Variants in FHIT observed in about 807,000 individuals in gnomAD.
FHIT encodes bis(5'-adenosyl)-triphosphatase.
In FHIT, 19 loss-of-function variants were observed where a neutral mutation model predicts 17.9. The ratio of observed to expected loss-of-function variants is 1.06; its 90% CI spans 0.74 to 1.56. The LOEUF (loss-of-function observed/expected upper bound fraction) is 1.56. FHIT is among the 40% of genes most tolerant of loss of function. FHIT has a pLI of 0.00. For missense variants in FHIT, 248 were observed against 189.2 expected (o/e 1.31, Z -1.82); for synonymous variants, 81 against 69.7 (o/e 1.16, Z -0.81).
intron 2 of FHIT, among the ~76,000 whole-genome samples, chr3:61,075,856 G>C (rs1384818398): frequency 6.6e-6 from 1 of 151,978 alleles, no homozygotes; most frequent in African/African-American, 2.4e-5. Flanking sequence ...AGTCTAACAA[G>C]GAACTAGACA....
chr3:60,357,289 C>T (rs1699711566), intron 5 of FHIT, among the ~76,000 whole-genome samples: 1 of 152,222 alleles, frequency 6.6e-6, no homozygotes, highest in South Asian at 2.1e-4. Flanking sequence ...CTCACTGCAA[C>T]CTCTGCCTTC....
At chr3:59,858,388 G>A (rs1020027180) in intron 8 of FHIT, among the ~76,000 whole-genome samples, 3 of 151,648 alleles carry the variant, frequency 2.0e-5, no homozygotes, top group Non-Finnish European at 4.4e-5. Flanking sequence ...CACTACGCCT[G>A]GCTAATTTTT....
intron 3 of FHIT, among the ~76,000 whole-genome samples, chr3:61,025,215 T>C (rs1235057667): frequency 6.6e-6 from 1 of 152,202 alleles, no homozygotes; most frequent in Non-Finnish European, 1.5e-5. Context: ...CACACAGGAC[T>C]TATATGTTAT....
At chr3:60,498,548 C>A (rs1438186273) in intron 5 of FHIT, among the ~76,000 whole-genome samples, 1 of 152,174 alleles carries the variant, frequency 6.6e-6, no homozygotes, top group East Asian at 1.9e-4. Flanking sequence ...TTTGCTATTT[C>A]ACCTGAATAA....
chr3:60,160,872 A>T (rs1700910742), intron 5 of FHIT, among the ~76,000 whole-genome samples: 1 of 152,010 alleles, frequency 6.6e-6, no homozygotes, highest in African/African-American at 2.4e-5. Context: ...TACAAATTCA[A>T]ATTTCTCCTG....
chr3:60,280,916 T>C (rs1236513964), intron 5 of FHIT, among the ~76,000 whole-genome samples: 2 of 58,482 alleles, frequency 3.4e-5, no homozygotes, highest in East Asian at 5.1e-3. Context: ...TCTCATGATA[T>C]GGCTGACTAT....
At chr3:60,159,736 C>A (rs1035807805) in intron 5 of FHIT, among the ~76,000 whole-genome samples, 1 of 152,130 alleles carries the variant, frequency 6.6e-6, no homozygotes, top group African/African-American at 2.4e-5. Context: ...CAGTTCAAAG[C>A]TGAGGAAACT....
chr3:60,147,817 C>T (rs892380392), intron 5 of FHIT, among the ~76,000 whole-genome samples: 9 of 152,110 alleles, frequency 5.9e-5, no homozygotes, highest in African/African-American at 2.2e-4. Context: ...AGCAACGGTG[C>T]AGTTGTCGAA....
intron 8 of FHIT, among the ~76,000 whole-genome samples, chr3:59,901,931 C>A (rs919419358): frequency 6.6e-6 from 1 of 152,042 alleles, no homozygotes; most frequent in African/African-American, 2.4e-5. Flanking sequence ...TATGGCCTAG[C>A]CATACAATGG....
chr3:60,183,588 C>CA (rs1280804600), intron 5 of FHIT, among the ~76,000 whole-genome samples: 1 of 152,030 alleles, frequency 6.6e-6, no homozygotes, highest in African/African-American at 2.4e-5. Flanking sequence ...CTGGGTACTT[C>CA]AAAAAATCAC....
chr3:60,008,017 T>C (rs1699990933), intron 7 of FHIT, among the ~76,000 whole-genome samples: 1 of 152,170 alleles, frequency 6.6e-6, no homozygotes, highest in Non-Finnish European at 1.5e-5. Flanking sequence ...GGGTAGCGTG[T>C]CCTGAGACCT....
chr3:60,333,826 C>G (rs754059930), intron 5 of FHIT, among the ~76,000 whole-genome samples: 1 of 152,172 alleles, frequency 6.6e-6, no homozygotes, highest in Non-Finnish European at 1.5e-5. Context: ...GATCAAGGAG[C>G]TGAAACTCAC....
chr3:60,307,506 A>C (rs1708731433), intron 5 of FHIT, among the ~76,000 whole-genome samples: 1 of 152,136 alleles, frequency 6.6e-6, no homozygotes, highest in African/African-American at 2.4e-5. Context: ...CATCAAATAA[A>C]ATCTTCAGTG....
chr3:60,598,947 T>A (rs1482455474), intron 4 of FHIT, among the ~76,000 whole-genome samples: 2 of 152,218 alleles, frequency 1.3e-5, no homozygotes, highest in Admixed American at 1.3e-4. Context: ...ACAGATGTGC[T>A]GTCTGCCAAG....
At chr3:60,994,607 C>G (rs1309377430) in intron 3 of FHIT, among the ~76,000 whole-genome samples, 2 of 152,152 alleles carry the variant, frequency 1.3e-5, no homozygotes, top group Non-Finnish European at 2.9e-5. Flanking sequence ...CGATCAAGTA[C>G]TTAAAGCAAC....
At chr3:60,041,783 A>C (rs1433659381) in intron 5 of FHIT, among the ~76,000 whole-genome samples, 2 of 152,196 alleles carry the variant, frequency 1.3e-5, no homozygotes, top group African/African-American at 4.8e-5. Flanking sequence ...TAATCTTTCC[A>C]CAATGCATTT....
At chr3:60,428,041 C>G (rs888310216) in intron 5 of FHIT, among the ~76,000 whole-genome samples, 2 of 152,088 alleles carry the variant, frequency 1.3e-5, no homozygotes, top group Admixed American at 6.6e-5. Context: ...CCAATAGGTA[C>G]TAGGTTGGCC....
At chr3:59,928,589 T>C (rs73104515) in intron 7 of FHIT, among the ~76,000 whole-genome samples, 13,933 of 152,240 alleles carry the variant, frequency 0.092, 813 homozygotes, top group Admixed American at 0.13. Context: ...AGGATATGAA[T>C]AGACATTTCT....
intron 4 of FHIT, among the ~76,000 whole-genome samples, chr3:60,813,511 G>C (rs574982325): frequency 6.6e-6 from 1 of 151,946 alleles, no homozygotes; most frequent in Non-Finnish European, 1.5e-5. Context: ...TAGATCATGG[G>C]AGGTGCTTAA....
Sources: gnomAD v4.1 joint callset for allele counts (sites outside exome capture counted in the v4.1 genomes callset) on GRCh38, gnomAD v4.1.1 for gene constraint, MANE v1.5 for transcripts, NCBI Gene and HGNC (gene_info 2026-07-23, HGNC 2026-07-21) for gene names.